The following DNAH14 variants were observed in gnomAD, a reference collection of about 807,000 sequenced individuals.
The protein encoded by DNAH14 is dynein axonemal heavy chain 14.
DNAH14 carries 478 observed loss-of-function variants against 520.9 expected under a neutral mutation model. The ratio of observed to expected loss-of-function variants is 0.92; its 90% CI spans 0.85 to 0.99. The LOEUF (loss-of-function observed/expected upper bound fraction) is 0.99, where lower values mean the gene tolerates loss of function less well. DNAH14 is among the 50% of genes least tolerant of loss of function. The probability of loss-of-function intolerance (pLI) is 0.00; values close to 1 mark genes in which losing one functional copy is unlikely to be tolerated. For synonymous variants in DNAH14, 1,581 were observed against 1,757.2 expected, an observed-to-expected ratio of 0.90 and a Z score of 2.51; for missense variants, 4,831 against 5,234.5, an observed-to-expected ratio of 0.92 and a Z score of 2.38.
intron 11 of DNAH14, among the ~76,000 whole-genome samples, chr1:225,038,475 A>G (rs1471884966): frequency 6.6e-6 from 1 of 151,820 alleles, no homozygotes; most frequent in Non-Finnish European, 1.5e-5. Context: ...ATAGTATCTC[A>G]GTGTGTTATG....
intron 77 of DNAH14, among the ~76,000 whole-genome samples, chr1:225,373,074 ACT>A (rs1179843301): frequency 1.3e-5 from 2 of 151,142 alleles, no homozygotes; most frequent in African/African-American, 2.4e-5. Context: ...TCCTTCACAC[ACT>A]GTTAGTGTAA....
intron 21 of DNAH14, among the ~76,000 whole-genome samples, chr1:225,095,303 G>C (rs938949887): frequency 7.4e-6 from 1 of 135,038 alleles, no homozygotes; most frequent in African/African-American, 3.6e-5. Context: ...ATACCCCAAG[G>C]GATATATGCA....
At chr1:225,271,823 G>A (rs2093322686) in intron 50 of DNAH14, 83 bp from the exon 51 acceptor site, 1 of 1,059,582 alleles carries the variant, frequency 9.4e-7, no homozygotes, top group African/African-American at 1.6e-5. Context: ...TAGTACACAA[G>A]TCCGCTTTTT....
intron 33 of DNAH14, 100 bp from the exon 34 acceptor site, chr1:225,153,650 G>A (rs2080733667): frequency 1.3e-6 from 1 of 767,636 alleles, no homozygotes; most frequent in Non-Finnish European, 2.0e-6. Context: ...TTTCCCTGCA[G>A]AGCATAGATT....
In DNAH14 at chr1:225,224,013, C is replaced by T. The variant is rs1009248506; in HGVS notation, c.6440-7060C>T. Among the ~76,000 whole-genome samples, 17 of 151,920 alleles carry T rather than the reference C, an allele frequency of 1.1e-4. No individual in the cohort carries two copies. The East Asian group carries it at 1.7e-3, about 16-fold the overall frequency. On this transcript the variant is annotated intron_variant, in intron 41 of 85. Coordinates refer to ENST00000682510, the MANE Select transcript of DNAH14 (RefSeq NM_001367479.1). ...CACCTGAAAAAGTACAATTTTCCTC[C>T]CCTTGGAAATATCTTGGATACATAC...
At chr1:225,179,206 T>C (rs2083686154) in intron 36 of DNAH14, among the ~76,000 whole-genome samples, 2 of 152,226 alleles carry the variant, frequency 1.3e-5, no homozygotes, top group African/African-American at 4.8e-5. Flanking sequence ...ATTTAGTTCA[T>C]TTACATTTGA....
At chr1:224,949,784 C>T (rs1455582037) in intron 1 of DNAH14, among the ~76,000 whole-genome samples, 2 of 152,058 alleles carry the variant, frequency 1.3e-5, no homozygotes, top group African/African-American at 4.8e-5. Context: ...ATATTTCAAC[C>T]TGTAGTTTGT....
At chr1:225,197,341 A>G (rs972648861) in intron 38 of DNAH14, among the ~76,000 whole-genome samples, 3 of 152,074 alleles carry the variant, frequency 2.0e-5, no homozygotes, top group Admixed American at 6.6e-5. Context: ...GTCAAATATC[A>G]GTTGACTGTA....
chr1:224,995,715 C>CT (rs1447367436), intron 8 of DNAH14, among the ~76,000 whole-genome samples: 1 of 151,772 alleles, frequency 6.6e-6, no homozygotes, highest in African/African-American at 2.4e-5. Context: ...TTCATGTAGG[C>CT]TTTTTTTATT....
At chr1:225,384,795 A>G (rs953985825) in intron 81 of DNAH14, among the ~76,000 whole-genome samples, 3 of 152,240 alleles carry the variant, frequency 2.0e-5, no homozygotes, top group Admixed American at 6.5e-5. Context: ...ATTCTACCAG[A>G]GGTACAAAGA....
chr1:224,949,533 A>G (rs931457162), intron 1 of DNAH14, among the ~76,000 whole-genome samples: 10 of 152,280 alleles, frequency 6.6e-5, no homozygotes, highest in African/African-American at 2.4e-4. Context: ...ATTCTTTGTA[A>G]TAGTTAACCC....
At chr1:225,264,414 A>G (rs192981445) in intron 47 of DNAH14, among the ~76,000 whole-genome samples, 153 bp downstream of exon 47, 38 of 152,146 alleles carry the variant, frequency 2.5e-4, no homozygotes, top group African/African-American at 8.2e-4. Flanking sequence ...ACCCTCTCAA[A>G]CTGTTCTGTC....
chr1:225,338,009 AC>A, intron 67 of DNAH14, 51 bp from the exon 68 acceptor site: 1 of 1,472,470 alleles, frequency 6.8e-7, no homozygotes, highest in East Asian at 2.5e-5. Flanking sequence ...TTTTTTTTCA[AC>A]CAATTTGTTT....
chr1:224,980,860 G>C (rs534002212), intron 8 of DNAH14, among the ~76,000 whole-genome samples: 8 of 152,330 alleles, frequency 5.3e-5, no homozygotes, highest in African/African-American at 1.9e-4. Flanking sequence ...GGCTATGGGA[G>C]GGATAGCATT....
chr1:225,339,941 A>G (rs998348274), intron 68 of DNAH14, among the ~76,000 whole-genome samples: 3 of 152,168 alleles, frequency 2.0e-5, no homozygotes, highest in African/African-American at 7.2e-5. Flanking sequence ...GCTATTCTCA[A>G]GATGGCTGCT....
At chr1:225,317,575 A>G (rs899370941) in intron 60 of DNAH14, among the ~76,000 whole-genome samples, 7 of 152,154 alleles carry the variant, frequency 4.6e-5, no homozygotes, top group African/African-American at 1.7e-4. Flanking sequence ...TATTTCTTTA[A>G]AACCCAGGAA....
At chr1:225,066,316 T>C (rs2070878681) in intron 17 of DNAH14, among the ~76,000 whole-genome samples, 1 of 152,024 alleles carries the variant, frequency 6.6e-6, no homozygotes, top group African/African-American at 2.4e-5. Context: ...TTTCCTTTGG[T>C]TTGCAGAAGA....
intron 3 of DNAH14, 76 bp from the exon 4 acceptor site, chr1:224,960,077 G>A (rs1558520670): frequency 1.5e-6 from 2 of 1,365,894 alleles, no homozygotes; most frequent in African/African-American, 1.5e-5. Context: ...TAACTGTATT[G>A]CTGGGTATGT....
At chr1:225,378,068 CA>C (rs2095726134) in intron 79 of DNAH14, among the ~76,000 whole-genome samples, 1 of 151,924 alleles carries the variant, frequency 6.6e-6, no homozygotes. Flanking sequence ...ATTGGGGTCA[CA>C]AGACTGACCC....
Sources: gnomAD v4.1 joint callset for allele counts (sites outside exome capture counted in the v4.1 genomes callset) on GRCh38, gnomAD v4.1.1 for gene constraint, MANE v1.5 for transcripts, NCBI Gene and HGNC (gene_info 2026-07-23, HGNC 2026-07-21) for gene names.